GRID2: variants seen among roughly 807,000 people sequenced by gnomAD.
GRID2 encodes glutamate receptor ionotropic, delta-2.
In GRID2, 33 loss-of-function variants were observed where a neutral mutation model predicts 114.8. That is an observed-to-expected ratio of 0.29 (90% CI 0.22 to 0.38). GRID2 has a LOEUF of 0.38. GRID2 is among the 10% of genes least tolerant of loss of function. The pLI, the probability that GRID2 is intolerant of heterozygous loss-of-function variation, is 1.00. For missense variants in GRID2, 1,184 were observed against 1,257.7 expected, an observed-to-expected ratio of 0.94 and a Z score of 0.89; for synonymous variants, 505 against 449.9, an observed-to-expected ratio of 1.12 and a Z score of -1.55.
Position 93,528,401 on chromosome 4 carries a change from G to A in GRID2, c.2193+12990G>A, listed in dbSNP as rs1289079912. ...ACCATTTTACCTTCACACAAATAAT[G>A]CACAAGAGTTCCATTTTTTTTTTTT... On this transcript the variant is annotated intron_variant, in intron 13 of 15. Coordinates refer to ENST00000282020, the MANE Select transcript of GRID2 (RefSeq NM_001510.4). Among the ~76,000 whole-genome samples the A allele has an allele frequency of 2.7e-5, 4 of 150,818 alleles. No individual in the cohort carries two copies. In the East Asian group the frequency reaches 7.8e-4, roughly 30 times the overall value.
At chr4:93,341,400 C>G (rs184748827) in intron 8 of GRID2, among the ~76,000 whole-genome samples, 17 of 152,118 alleles carry the variant, frequency 1.1e-4, no homozygotes, top group Admixed American at 8.5e-4. Flanking sequence ...TTTTGGCTCC[C>G]TGCAACCTCC....
At chr4:93,461,241 T>C (rs1260985283) in intron 11 of GRID2, among the ~76,000 whole-genome samples, 1 of 152,178 alleles carries the variant, frequency 6.6e-6, no homozygotes, top group African/African-American at 2.4e-5. Flanking sequence ...GAAAAGCTGC[T>C]ATTCTTCCAC....
intron 1 of GRID2, among the ~76,000 whole-genome samples, chr4:92,393,651 T>G (rs2110265165): frequency 6.6e-6 from 1 of 152,290 alleles, no homozygotes. Flanking sequence ...TTCATTGTTT[T>G]ATTTGACTAA....
At chr4:93,449,775 A>G (rs1018450940) in intron 10 of GRID2, among the ~76,000 whole-genome samples, 4 of 152,068 alleles carry the variant, frequency 2.6e-5, no homozygotes, top group African/African-American at 9.7e-5. Context: ...ATGTTTCATC[A>G]ATACTTTACT....
intron 7 of GRID2, among the ~76,000 whole-genome samples, chr4:93,231,940 G>A (rs1228986823): frequency 6.6e-6 from 1 of 152,066 alleles, no homozygotes; most frequent in African/African-American, 2.4e-5. Context: ...GGAACTGATA[G>A]CATCTTAATG....
chr4:92,614,970 A>G (rs1443771021), intron 2 of GRID2, among the ~76,000 whole-genome samples: 2 of 149,168 alleles, frequency 1.3e-5, no homozygotes, highest in Non-Finnish European at 3.0e-5. Flanking sequence ...TAGTAACCTC[A>G]TTTACCTTAA....
intron 8 of GRID2, among the ~76,000 whole-genome samples, chr4:93,328,206 G>A (rs1218669102): frequency 2.0e-5 from 3 of 151,936 alleles, no homozygotes; most frequent in Non-Finnish European, 4.4e-5. Context: ...TGCCACTTAT[G>A]AGCTAAAACC....
At chr4:92,336,801 C>A (rs1235498959) in intron 1 of GRID2, among the ~76,000 whole-genome samples, 2 of 152,048 alleles carry the variant, frequency 1.3e-5, no homozygotes, top group Non-Finnish European at 2.9e-5. Context: ...AGGTGTCATG[C>A]TGCTTCTTCT....
At chr4:92,776,067 C>T (rs1293275119) in intron 2 of GRID2, among the ~76,000 whole-genome samples, 1 of 152,070 alleles carries the variant, frequency 6.6e-6, no homozygotes, top group Non-Finnish European at 1.5e-5. Flanking sequence ...TTGATAATCT[C>T]AGATTAAAAC....
intron 8 of GRID2, among the ~76,000 whole-genome samples, chr4:93,357,074 G>A (rs936925742): frequency 3.3e-5 from 5 of 151,184 alleles, no homozygotes; most frequent in African/African-American, 1.2e-4. Context: ...CTAGGATTTA[G>A]GGATCAAATG....
intron 8 of GRID2, among the ~76,000 whole-genome samples, chr4:93,389,238 G>T (rs982613252): frequency 1.3e-5 from 2 of 152,076 alleles, no homozygotes; most frequent in Non-Finnish European, 2.9e-5. Context: ...ATGTCTCAAG[G>T]TAGAATGGAA....
At chr4:93,162,577 C>T (rs936750601) in intron 4 of GRID2, among the ~76,000 whole-genome samples, 3 of 151,894 alleles carry the variant, frequency 2.0e-5, no homozygotes, top group African/African-American at 7.2e-5. Context: ...TGTCTGTAAG[C>T]TTAGCAACCC....
At chr4:93,002,414 A>G (rs1721086087) in intron 2 of GRID2, among the ~76,000 whole-genome samples, 1 of 151,672 alleles carries the variant, frequency 6.6e-6, no homozygotes, top group South Asian at 2.1e-4. Flanking sequence ...AGCCAAAAAA[A>G]ACATAGTTGA....
intron 1 of GRID2, among the ~76,000 whole-genome samples, chr4:92,469,582 G>A (rs1283235105): frequency 1.3e-5 from 2 of 151,642 alleles, no homozygotes; most frequent in Non-Finnish European, 2.9e-5. Context: ...AATATTTTCA[G>A]CCTGAGGTTG....
intron 4 of GRID2, among the ~76,000 whole-genome samples, chr4:93,171,586 G>A (rs1460392939): frequency 1.3e-5 from 2 of 152,082 alleles, no homozygotes; most frequent in African/African-American, 4.8e-5. Flanking sequence ...CCTAAACCAG[G>A]CTTCCAAATA....
chr4:92,406,971 G>T (rs1731059367), intron 1 of GRID2, among the ~76,000 whole-genome samples: 1 of 151,974 alleles, frequency 6.6e-6, no homozygotes, highest in Non-Finnish European at 1.5e-5. Flanking sequence ...ATATAAAAAA[G>T]GAGGTTTAAT....
intron 8 of GRID2, among the ~76,000 whole-genome samples, chr4:93,380,924 A>G (rs1763794309): frequency 1.3e-5 from 2 of 152,068 alleles, no homozygotes; most frequent in Middle Eastern, 3.2e-3. Flanking sequence ...CAATTAGGGT[A>G]AGAGGATTGA....
rs549901152 is a variant in GRID2 at position 92,321,072 on chromosome 4, G to A, written c.88+16328G>A. Among the ~76,000 whole-genome samples, 15 of 152,188 alleles carry A rather than the reference G, an allele frequency of 9.9e-5. No homozygotes were observed. The South Asian group carries it at 1.9e-3, about 19-fold the overall frequency. On this transcript the variant is annotated intron_variant, in intron 1 of 15. Coordinates refer to ENST00000282020, the MANE Select transcript of GRID2 (RefSeq NM_001510.4). The stretch of plus-strand genomic sequence containing the variant: ...ATTAATAGAATTACATAGAAGGATC[G>A]AAATATGTTTTATAGAATTTTGTGT...
intron 2 of GRID2, among the ~76,000 whole-genome samples, chr4:92,987,877 G>T (rs914698082): frequency 1.3e-5 from 2 of 151,962 alleles, no homozygotes; most frequent in Non-Finnish European, 2.9e-5. Flanking sequence ...TATTTAATTA[G>T]ATATCTGCTA....
Sources: allele counts gnomAD v4.1 joint callset (sites outside exome capture counted in the v4.1 genomes callset), GRCh38; gene constraint gnomAD v4.1.1; transcripts MANE v1.5; gene names NCBI Gene and HGNC (gene_info 2026-07-23, HGNC 2026-07-21).